The following MYH11 variants were observed in gnomAD, a reference collection of about 807,000 sequenced individuals.
MYH11 encodes myosin-11.
MYH11 carries 80 observed loss-of-function variants against 246.6 expected under a neutral mutation model. The ratio of observed to expected loss-of-function variants is 0.32; its 90% CI spans 0.27 to 0.39. MYH11 has a LOEUF of 0.39. Ranked by LOEUF, MYH11 falls within the 10% of genes least tolerant of loss-of-function variation. MYH11 has a pLI of 1.00. For synonymous variants in MYH11, 1,071 were observed against 1,015.5 expected, an observed-to-expected ratio of 1.05 and a Z score of -1.04; for missense variants, 2,158 against 2,546.8, an observed-to-expected ratio of 0.85 and a Z score of 3.29.
At chr16:15,714,609 G>A in intron 40 of MYH11, 1 of 533,624 alleles carries the variant, frequency 1.9e-6, no homozygotes, top group East Asian at 3.3e-5. Flanking sequence ...CAATGAAGGA[G>A]GGGCTGGAGG....
intron 1 of MYH11, among the ~76,000 whole-genome samples, chr16:15,847,391 C>T (rs1300938294): frequency 6.6e-6 from 1 of 151,974 alleles, no homozygotes; most frequent in Non-Finnish European, 1.5e-5. Flanking sequence ...GTTGGGACCA[C>T]AGGCACCTGC....
intron 8 of MYH11, among the ~76,000 whole-genome samples, chr16:15,774,746 C>T (rs1226330104): frequency 6.6e-6 from 1 of 152,190 alleles, no homozygotes; most frequent in Admixed American, 6.5e-5. Context: ...CCAGCCACCA[C>T]ACCTGGCTAA....
intron 1 of MYH11, among the ~76,000 whole-genome samples, chr16:15,838,827 A>C (rs1054268365): frequency 1.4e-5 from 2 of 146,836 alleles, no homozygotes; most frequent in Non-Finnish European, 3.0e-5. Flanking sequence ...ACTGCACTCC[A>C]GCCTGGGTGA....
At position 15,747,739 on chromosome 16, in the gene MYH11, G is replaced by A. The variant is rs749222918; in HGVS notation, c.2251-9C>T. On this transcript the variant is annotated splice_polypyrimidine_tract_variant and intron_variant, in intron 18 of 40. Coordinates refer to ENST00000300036, the MANE Select transcript of MYH11 (RefSeq NM_002474.3). ...AGTTCCAGGGCTTTGATCTGCAAAA[G>A]GAAGGAAAGGAAGAGCTCCTGATTT... The A allele has an allele frequency of 2.5e-6, 4 of 1,613,888 alleles. No individual in the cohort carries two copies. Among genetic ancestry groups the A allele is most frequent in the Middle Eastern group, 1.6e-4 (1 of 6,084 alleles).
intron 30 of MYH11, 33 bp from the exon 31 acceptor site, chr16:15,724,442 G>A: frequency 6.2e-7 from 1 of 1,612,796 alleles, no homozygotes; most frequent in Non-Finnish European, 8.5e-7. Flanking sequence ...AGGGTGAGAG[G>A]GGGACCATGA....
At position 15,735,463 on chromosome 16, in the gene MYH11, C is replaced by A. The variant is rs761268562; in HGVS notation, c.3409G>T (p.Ala1137Ser). ...LDSERAARNK[A>S]EKQKRDLGEE... The stretch of plus-strand genomic sequence containing the variant: ...CCGAGGTCTCGCTTCTGCTTTTCAG[C>A]CTTGTTCCTGGCGGCCCGCTCTGAG... The change falls in exon 26 of 41, where the codon GCT (alanine) becomes TCT (serine). Residue 1137 changes from alanine (A) to serine (S), a missense_variant. Physicochemically the swap from Ala to Ser is moderately conservative, Grantham distance 99. This residue lies in a region of MYH11 where 284 missense variants were observed against 315.4 expected (regional missense o/e 0.90). Transcript: ENST00000300036. 2.4e-5 allele frequency: 39 copies of A among 1,613,984 alleles called. No individual in the cohort carries two copies. Among genetic ancestry groups the A allele is most frequent in the Non-Finnish European group, 2.7e-5 (32 of 1,180,026 alleles).
At chr16:15,713,541 G>C (rs973235984) in intron 40 of MYH11, 3 of 152,288 alleles carry the variant, frequency 2.0e-5, no homozygotes. Flanking sequence ...TGTCCATCCA[G>C]GGTAAGTGCA....
At chr16:15,747,156 G>A (rs76427940) in intron 19 of MYH11, among the ~76,000 whole-genome samples, 2,058 of 151,888 alleles carry the variant, frequency 0.014, 21 homozygotes, top group East Asian at 0.033. Context: ...GAGGGAGGGA[G>A]GTAAAAACAA....
chr16:15,738,617 C>T lies in MYH11; in HGVS notation c.3069G>A (p.Lys1023=). The change falls in exon 24 of 41, where the codon AAG becomes AAA. Residue 1023 remains lysine, a synonymous_variant. Transcript: ENST00000300036. The part of the protein sequence containing the change: ...TNLAEEEEKA[K]NLTKLKNKHE... ...GCTTGTTTTTCAGCTTGGTAAGATT[C>T]TTGGCCTTTTCTTCCTCTTCTGCAA... The T allele has an allele frequency of 6.2e-7, 1 of 1,614,104 alleles. No individual in the cohort carries two copies. The highest frequency in any genetic ancestry group is 8.5e-7 in the Non-Finnish European group (1 of 1,180,002).
At chr16:15,845,027 T>C (rs981158054) in intron 1 of MYH11, among the ~76,000 whole-genome samples, 4 of 152,176 alleles carry the variant, frequency 2.6e-5, no homozygotes, top group African/African-American at 9.6e-5. Flanking sequence ...CACCCAGACT[T>C]TGCAATCAGA....
intron 6 of MYH11, among the ~76,000 whole-genome samples, chr16:15,780,317 T>C (rs1596825114): frequency 6.6e-6 from 1 of 152,002 alleles, no homozygotes; most frequent in African/African-American, 2.4e-5. Flanking sequence ...CAAGGATATT[T>C]TGGGAGTCCT....
Position 15,750,244 on chromosome 16 carries a change from C to T in MYH11, c.1952G>A (p.Arg651His), listed in dbSNP as rs1466960409. Residue 651 changes from arginine (R) to histidine (H), a missense_variant, in exon 16 of 41, where the codon CGC (arginine) becomes CAC (histidine). Physicochemically the swap from Arg to His is conservative, Grantham distance 29. Coordinates refer to ENST00000300036, the MANE Select transcript of MYH11 (RefSeq NM_002474.3). The surrounding 1 kb of genome is among the most constrained non-coding windows in gnomAD (Gnocchi z 4.3). ...SASKTKKGMFRTVGQLYKEQL... is the reference protein window; with the variant it reads ...SASKTKKGMFHTVGQLYKEQL... ...CTCCTTGTACAGCTGCCCCACTGTG[C>T]GGAACATGCCCTTCTTGGTCTTGGA... The T allele has an allele frequency of 2.5e-6, 4 of 1,614,080 alleles. No individual in the cohort carries two copies. The highest frequency in any genetic ancestry group is 4.5e-5 in the East Asian group (2 of 44,892).
chr16:15,731,742 C>CCAG, intron 27 of MYH11, among the ~76,000 whole-genome samples: 1 of 151,516 alleles, frequency 6.6e-6, no homozygotes, highest in East Asian at 2.0e-4. Flanking sequence ...ATTTGCCCGC[C>CCAG]TTGCCTCCCA....
intron 29 of MYH11, 34 bp from the exon 30 acceptor site, chr16:15,724,833 T>C (rs2040667778): frequency 1.2e-6 from 2 of 1,613,564 alleles, no homozygotes; most frequent in East Asian, 2.2e-5. Context: ...CCCAGGGACC[T>C]GCCCCGAGGA....
At chr16:15,842,513 G>A (rs1272635800) in intron 1 of MYH11, among the ~76,000 whole-genome samples, 1 of 151,946 alleles carries the variant, frequency 6.6e-6, no homozygotes, top group Non-Finnish European at 1.5e-5. Context: ...TGTAATCCTA[G>A]CACTTTGTTG....
intron 14 of MYH11, among the ~76,000 whole-genome samples, chr16:15,753,726 T>C (rs1362863537): frequency 6.6e-6 from 1 of 152,170 alleles, no homozygotes; most frequent in Non-Finnish European, 1.5e-5. Context: ...GTGATAGCCA[T>C]TGCTGGGAAA....
chr16:15,715,374 G>A (rs1379745256), intron 38 of MYH11, 102 bp from the exon 39 acceptor site: 25 of 1,002,956 alleles, frequency 2.5e-5, no homozygotes, highest in East Asian at 1.9e-4. Context: ...CCTGAGCCCC[G>A]TATCTGGACT....
intron 27 of MYH11, among the ~76,000 whole-genome samples, chr16:15,728,084 C>T (rs2040850766): frequency 6.6e-6 from 1 of 152,122 alleles, no homozygotes; most frequent in Admixed American, 6.6e-5. Context: ...GAAAAATTAG[C>T]CGGGCATGGT....
intron 2 of MYH11, among the ~76,000 whole-genome samples, chr16:15,832,732 A>G (rs1205543320): frequency 6.6e-6 from 1 of 152,054 alleles, no homozygotes; most frequent in South Asian, 2.1e-4. Flanking sequence ...AAGCTTGTCT[A>G]CCTCAAAGCT....
Sources: allele counts gnomAD v4.1 joint callset (sites outside exome capture counted in the v4.1 genomes callset), GRCh38; gene constraint gnomAD v4.1.1; regional missense constraint gnomAD v4.1.1; non-coding constraint Gnocchi (gnomAD v3.1); transcripts MANE v1.5; gene names NCBI Gene and HGNC (gene_info 2026-07-23, HGNC 2026-07-21).